CCDC144A: variants seen among roughly 807,000 people sequenced by gnomAD.
The protein encoded by CCDC144A is coiled-coil domain-containing protein 144A.
Under a neutral mutation model 143.8 loss-of-function variants are expected in CCDC144A, and 41 were observed. That is an observed-to-expected ratio of 0.29 (90% confidence interval 0.22 to 0.37). CCDC144A has a LOEUF of 0.37. CCDC144A is among the 10% of genes least tolerant of loss of function. The pLI is 1.00. For missense variants in CCDC144A, 637 were observed against 1,488.8 expected (o/e 0.43, Z 9.41); for synonymous variants, 242 against 517.9 (o/e 0.47, Z 7.23).
At chr17:16,677,899 A>C in the CCDC144A span, among the ~76,000 whole-genome samples, 1 of 152,044 alleles carries the variant, frequency 6.6e-6, no homozygotes, top group East Asian at 1.9e-4. Context: ...AGGATTTGAT[A>C]AATTAATTAA....
the CCDC144A span, chr17:16,684,287 C>T: frequency 1.3e-6 from 1 of 791,062 alleles, no homozygotes; most frequent in South Asian, 1.4e-5. Flanking sequence ...GCTAAGTTTA[C>T]TAGAGATTAA....
the CCDC144A span, chr17:16,667,077 C>G: frequency 1.3e-5 from 2 of 157,172 alleles, no homozygotes; most frequent in Admixed American, 1.3e-4. Flanking sequence ...CCCGGACTGG[C>G]CCTGCCCACG....
intron 2 of CCDC144A, among the ~76,000 whole-genome samples, chr17:16,696,161 C>T (rs1335808147): frequency 4.6e-5 from 7 of 152,042 alleles, no homozygotes; most frequent in African/African-American, 7.2e-5. Flanking sequence ...AATACAGGCG[C>T]GAGCCACCAT....
chr17:16,742,750 T>C (rs949752635), intron 12 of CCDC144A, among the ~76,000 whole-genome samples: 2 of 152,138 alleles, frequency 1.3e-5, no homozygotes, highest in Admixed American at 1.3e-4. Flanking sequence ...TGATTTTTTT[T>C]GATAGTAGCC....
the CCDC144A span, among the ~76,000 whole-genome samples, chr17:16,677,237 A>T: frequency 6.6e-6 from 1 of 151,680 alleles, no homozygotes; most frequent in Admixed American, 6.6e-5. Flanking sequence ...TTCTCCTAAA[A>T]CTCCAAATGG....
intron 9 of CCDC144A, among the ~76,000 whole-genome samples, chr17:16,728,448 C>G (rs1384154331): frequency 6.6e-6 from 1 of 151,978 alleles, no homozygotes; most frequent in Admixed American, 6.6e-5. Flanking sequence ...TTAAAAAGAC[C>G]TTTGATCAAT....
rs4791684 is a variant in CCDC144A, at chr17:16,704,462, A to T, written c.416-689A>T. On this transcript the variant is annotated intron_variant, in intron 2 of 16. Transcript: ENST00000399273. ...AAAGCGAGACTCCGTCTCAAAAAAT[A>T]AAAAAAAAAAATTTTACATCCCAAC... 2.9e-3 allele frequency among the ~76,000 whole-genome samples: 423 copies of T among 144,764 alleles called. 2 individuals are homozygous for T. Among genetic ancestry groups the T allele is most frequent in the African/African-American group, 0.011 (408 of 37,380 alleles). 95.0% of individuals were successfully genotyped at this position (144,764 alleles called of 152,430 possible). A position where few individuals can be genotyped will look rare whatever the true frequency, so the allele number is the denominator to read the frequency against.
chr17:16,703,204 T>C (rs1911830019), intron 2 of CCDC144A, among the ~76,000 whole-genome samples: 1 of 152,030 alleles, frequency 6.6e-6, no homozygotes, highest in Admixed American at 6.6e-5. Context: ...TTTTATTACA[T>C]ATGTGTATGG....
intron 2 of CCDC144A, among the ~76,000 whole-genome samples, chr17:16,699,406 C>T (rs532583172): frequency 6.8e-6 from 1 of 147,350 alleles, no homozygotes; most frequent in Non-Finnish European, 1.5e-5. Flanking sequence ...GACGGAGTCT[C>T]GCTCTTCCAC....
At chr17:16,685,992 T>C (rs1396827318), upstream of CCDC144A, among the ~76,000 whole-genome samples, 4 of 146,204 alleles carry the variant, frequency 2.7e-5, no homozygotes. Flanking sequence ...ATGTTGCTCC[T>C]GCTGGTCTCG....
the CCDC144A span, among the ~76,000 whole-genome samples, chr17:16,677,601 G>A: frequency 6.6e-6 from 1 of 152,010 alleles, no homozygotes; most frequent in Non-Finnish European, 1.5e-5. Context: ...GGGAGGCTGA[G>A]GCGAGTGGAT....
intron 2 of CCDC144A, among the ~76,000 whole-genome samples, chr17:16,695,693 A>G (rs957871692): frequency 2.0e-5 from 3 of 150,930 alleles, no homozygotes; most frequent in Non-Finnish European, 4.4e-5. Context: ...AGTGCCTACT[A>G]CTGTGTTAGA....
At chr17:16,746,491 A>C (rs1447380127) in intron 12 of CCDC144A, 12 of 1,613,494 alleles carry the variant, frequency 7.4e-6, no homozygotes, top group Non-Finnish European at 1.0e-5. Context: ...CAGGGTTGGC[A>C]CTGGTCTTCT....
rs1300823077 is a variant in CCDC144A, at chr17:16,691,488, G to A, written c.344+744G>A. ...TATAAAATGAGAGCTTTGGCAGGGT[G>A]CAGTGGCTCATGCCTGTAATCCCAG... On this transcript the variant is annotated intron_variant, in intron 1 of 16. Transcript: ENST00000399273. Among the ~76,000 whole-genome samples, 3 of 150,764 alleles carry A rather than the reference G, an allele frequency of 2.0e-5. No individual in the cohort carries two copies. The East Asian group carries it at 6.0e-4, about 30-fold the overall frequency.
the CCDC144A span, among the ~76,000 whole-genome samples, chr17:16,672,695 T>C: frequency 2.0e-5 from 3 of 152,154 alleles, no homozygotes; most frequent in Non-Finnish European, 4.4e-5. Flanking sequence ...TATGAGATGG[T>C]TTCCTCAGTG....
chr17:16,681,859 C>T, the CCDC144A span, among the ~76,000 whole-genome samples: 1 of 120,416 alleles, frequency 8.3e-6, no homozygotes, highest in Non-Finnish European at 1.8e-5. Flanking sequence ...AACTCCGTCT[C>T]AAAAAAAAAA....
chr17:16,736,504 A>C (rs1340767029), intron 12 of CCDC144A, among the ~76,000 whole-genome samples: 1 of 150,306 alleles, frequency 6.7e-6, no homozygotes, highest in South Asian at 2.1e-4. Context: ...TGGTGTTTAT[A>C]ATTTACTTTG....
rs1289126759 is a variant in CCDC144A, at chr17:16,732,685, T to A, written c.2418+19T>A. On this transcript the variant is annotated intron_variant, in intron 11 of 16. Transcript: ENST00000399273. ...TTCTGAGGTATTTTCTTTAGTCATT[T>A]TCAAATATATTTTTGTATGTGAATA... 3 of 1,566,282 alleles carry A rather than the reference T, an allele frequency of 1.9e-6. No individual in the cohort carries two copies. The South Asian group carries it at 3.6e-5, about 19-fold the overall frequency.
At chr17:16,747,427 G>T (rs1176516571) in intron 12 of CCDC144A, among the ~76,000 whole-genome samples, 1 of 152,202 alleles carries the variant, frequency 6.6e-6, no homozygotes, top group African/African-American at 2.4e-5. Flanking sequence ...TGAAATTTTA[G>T]AATAGTTTTT....
Sources: allele counts gnomAD v4.1 joint callset (sites outside exome capture counted in the v4.1 genomes callset), GRCh38; gene constraint gnomAD v4.1.1; transcripts MANE v1.5; gene names NCBI Gene and HGNC (gene_info 2026-07-23, HGNC 2026-07-21).